CLYBL: variants seen among roughly 807,000 people sequenced by gnomAD.
CLYBL encodes citramalyl-CoA lyase, also known as citramalyl-CoA lyase, mitochondrial.
Under a neutral mutation model 38.9 loss-of-function variants are expected in CLYBL, and 31 were observed. That is an observed-to-expected ratio of 0.80 (90% confidence interval 0.60 to 1.08). CLYBL has a LOEUF of 1.08. CLYBL is among the 50% of genes least tolerant of loss of function. The probability of loss-of-function intolerance (pLI) is 0.00; values close to 1 mark genes in which losing one functional copy is unlikely to be tolerated. For missense variants in CLYBL, 434 were observed against 411.6 expected (o/e 1.05, Z -0.47); for synonymous variants, 171 against 158.6 (o/e 1.08, Z -0.59).
At chr13:99,680,975 T>C (rs1415308030) in intron 1 of CLYBL, among the ~76,000 whole-genome samples, 1 of 152,190 alleles carries the variant, frequency 6.6e-6, no homozygotes, top group Non-Finnish European at 1.5e-5. Context: ...AAAAGATAAT[T>C]TGAGTTGTCC....
At position 99,826,474 on chromosome 13, in the gene CLYBL, C is replaced by T. The variant is rs184471467; in HGVS notation, c.250-32387C>T. Among the ~76,000 whole-genome samples, 18 of 152,290 alleles carry T rather than the reference C, an allele frequency of 1.2e-4. No homozygotes were observed. In the East Asian group the frequency reaches 3.3e-3, roughly 28 times the overall value. On this transcript the variant is annotated intron_variant, in intron 2 of 8. Coordinates refer to ENST00000339105, the MANE Select transcript of CLYBL (RefSeq NM_206808.5). ...ATGGATCCTGTTTCTCTGGACAGCCCTGACTGATACAGCTGCTCTCTATCC... is the reference window on the plus strand; with the variant it reads ...ATGGATCCTGTTTCTCTGGACAGCCTTGACTGATACAGCTGCTCTCTATCC...
Position 99,633,210 on chromosome 13 carries a change from CAAAA to C in CLYBL, c.62+26475_62+26478del, listed in dbSNP as rs59801603. ...TGGGCAACAGAGCAAGATCCTGTCT[CAAAA>C]AAAAAAAAAAAAAAAAAAAAAGAGA... On this transcript the variant is annotated intron_variant, in intron 1 of 8. Transcript: ENST00000339105. Among the ~76,000 whole-genome samples, 415 of 62,710 alleles carry C rather than the reference CAAAA, an allele frequency of 6.6e-3. 3 individuals are homozygous for C. The highest frequency in any genetic ancestry group is 0.023 in the African/African-American group (383 of 16,670). The allele number at this position is 62,710 out of a possible 152,430, so 41.1% of individuals were successfully genotyped here. A position where few individuals can be genotyped will look rare whatever the true frequency, so the allele number is the denominator to read the frequency against.
chr13:99,668,452 G>A (rs2047515370), intron 1 of CLYBL, among the ~76,000 whole-genome samples: 2 of 151,842 alleles, frequency 1.3e-5, no homozygotes, highest in Admixed American at 1.3e-4. Context: ...GGGTGAGATG[G>A]CAGTTGCCTG....
chr13:99,851,382 A>C (rs1254395183), intron 2 of CLYBL, among the ~76,000 whole-genome samples: 1 of 151,864 alleles, frequency 6.6e-6, no homozygotes, highest in Admixed American at 6.6e-5. Context: ...AAAAAAAAAA[A>C]AAAAAAAAGG....
chr13:99,829,963 G>A (rs900301589), intron 2 of CLYBL, among the ~76,000 whole-genome samples: 4 of 152,162 alleles, frequency 2.6e-5, no homozygotes, highest in Non-Finnish European at 4.4e-5. Context: ...AGCATGTCAA[G>A]CGTAATTCAC....
intron 2 of CLYBL, among the ~76,000 whole-genome samples, chr13:99,840,016 C>T (rs1198835108): frequency 7.7e-6 from 1 of 130,640 alleles, no homozygotes; most frequent in Non-Finnish European, 1.6e-5. Flanking sequence ...TCCTTCTATT[C>T]TCTATCTTAC....
In CLYBL at chr13:99,611,405, C is replaced by T. The variant is rs1330268354; in HGVS notation, c.62+4648C>T. Among the ~76,000 whole-genome samples the T allele has an allele frequency of 2.6e-5, 4 of 152,206 alleles. No individual in the cohort carries two copies. The South Asian group carries it at 8.3e-4, about 32-fold the overall frequency. On this transcript the variant is annotated intron_variant, in intron 1 of 8. Coordinates refer to ENST00000339105, the MANE Select transcript of CLYBL (RefSeq NM_206808.5). ...TTTTTTTTGCATCTGTTGTGTTGAT[C>T]ATAAGGCTTTTCTTCTTCAGTGTGT...
chr13:99,851,777 G>A (rs767540163), intron 2 of CLYBL, among the ~76,000 whole-genome samples: 7 of 152,024 alleles, frequency 4.6e-5, no homozygotes, highest in African/African-American at 1.4e-4. Context: ...GGAAAACAGC[G>A]GACAGTTTCT....
intron 8 of CLYBL, among the ~76,000 whole-genome samples, chr13:99,903,780 C>G (rs2052666380): frequency 6.6e-6 from 1 of 152,182 alleles, no homozygotes; most frequent in African/African-American, 2.4e-5. Context: ...TTTTAAGTAG[C>G]ATTATCTGCA....
intron 4 of CLYBL, among the ~76,000 whole-genome samples, chr13:99,864,358 C>T (rs532174772): frequency 2.0e-5 from 3 of 152,194 alleles, no homozygotes; most frequent in African/African-American, 7.2e-5. Flanking sequence ...TTTATTTTCC[C>T]CTCCGGAGTT....
chr13:99,842,813 A>C (rs1221116822), intron 2 of CLYBL, among the ~76,000 whole-genome samples: 1 of 152,148 alleles, frequency 6.6e-6, no homozygotes, highest in African/African-American at 2.4e-5. Flanking sequence ...AGGCTGTAGC[A>C]GGAGGATCCC....
intron 1 of CLYBL, among the ~76,000 whole-genome samples, chr13:99,667,326 T>A (rs1195460843): frequency 6.6e-6 from 1 of 151,852 alleles, no homozygotes; most frequent in Non-Finnish European, 1.5e-5. Flanking sequence ...ATTTTCATCA[T>A]AAATCTGCTG....
At chr13:99,624,253 C>A (rs117209853) in intron 1 of CLYBL, among the ~76,000 whole-genome samples, 1 of 152,284 alleles carries the variant, frequency 6.6e-6, no homozygotes, top group East Asian at 1.9e-4. Flanking sequence ...CCACGTTCAC[C>A]CTTTATGCCT....
At chr13:99,622,668 A>G (rs2046814880) in intron 1 of CLYBL, among the ~76,000 whole-genome samples, 1 of 152,306 alleles carries the variant, frequency 6.6e-6, no homozygotes, top group South Asian at 2.1e-4. Context: ...GCCCTAAAGG[A>G]GAACTCTATC....
chr13:99,671,984 T>G (rs2047572456), intron 1 of CLYBL, among the ~76,000 whole-genome samples: 1 of 152,086 alleles, frequency 6.6e-6, no homozygotes, highest in African/African-American at 2.4e-5. Context: ...TCCTTTTGGG[T>G]GTCACCTCTG....
chr13:99,870,892 A>T lies in CLYBL; in HGVS notation c.803-46A>T. On this transcript the variant is annotated intron_variant, in intron 6 of 8. Transcript: ENST00000339105. ...CGCGATAGAAACATTTTGTTTGAAC[A>T]TCTGTTCGTTGTTTCGTGGTTCCGA... is the stretch of plus-strand genomic sequence containing the variant. 1.9e-6 allele frequency: 3 copies of T among 1,555,426 alleles called. No individual in the cohort carries two copies. In the South Asian group the frequency reaches 3.8e-5, roughly 20 times the overall value.
intron 2 of CLYBL, among the ~76,000 whole-genome samples, chr13:99,851,233 G>A (rs1445604092): frequency 6.6e-6 from 1 of 152,114 alleles, no homozygotes; most frequent in South Asian, 2.1e-4. Flanking sequence ...TGGGTGTGGT[G>A]GTGGATGCCT....
Position 99,869,975 on chromosome 13 carries a change from C to T in CLYBL, c.803-963C>T, listed in dbSNP as rs1265952637. Among the ~76,000 whole-genome samples the T allele has an allele frequency of 2.6e-5, 4 of 151,936 alleles. No individual in the cohort carries two copies. Among genetic ancestry groups the T allele is most frequent in the Non-Finnish European group, 5.9e-5 (4 of 67,934 alleles). Reference sequence around the variant, plus strand: ...ATTAATGATCTGATTGGATTCTACACTTCCCTGATTGTTAAATTGTTTTTT... The same window carrying T: ...ATTAATGATCTGATTGGATTCTACATTTCCCTGATTGTTAAATTGTTTTTT... On this transcript the variant is annotated intron_variant, in intron 6 of 8. Transcript: ENST00000339105. The surrounding 1 kb of genome is among the most constrained non-coding windows in gnomAD (Gnocchi z 4.3).
At chr13:99,786,552 C>G (rs1209156001) in intron 2 of CLYBL, among the ~76,000 whole-genome samples, 1 of 152,136 alleles carries the variant, frequency 6.6e-6, no homozygotes, top group Non-Finnish European at 1.5e-5. Context: ...TTTTTTATGG[C>G]TGCATAGTAT....
Sources: gnomAD v4.1 joint callset for allele counts (sites outside exome capture counted in the v4.1 genomes callset) on GRCh38, gnomAD v4.1.1 for gene constraint, Gnocchi (gnomAD v3.1) non-coding constraint, MANE v1.5 for transcripts, NCBI Gene and HGNC (gene_info 2026-07-23, HGNC 2026-07-21) for gene names.